TRAPPC9: variants seen among roughly 807,000 people sequenced by gnomAD.
The protein encoded by TRAPPC9 is IKK2 binding protein.
In TRAPPC9, 83 loss-of-function variants were observed where a neutral mutation model predicts 124.0. That is an observed-to-expected ratio of 0.67 (90% CI 0.56 to 0.80). The LOEUF (loss-of-function observed/expected upper bound fraction) is 0.80. Ranked by LOEUF, TRAPPC9 falls within the 30% of genes least tolerant of loss-of-function variation. The pLI, the probability that TRAPPC9 is intolerant of heterozygous loss-of-function variation, is 0.00. For synonymous variants in TRAPPC9, 638 were observed against 617.5 expected, an observed-to-expected ratio of 1.03 and a Z score of -0.49; for missense variants, 1,302 against 1,508.3, an observed-to-expected ratio of 0.86 and a Z score of 2.27.
chr8:140,432,829 G>A (rs543770675), intron 4 of TRAPPC9, among the ~76,000 whole-genome samples: 45 of 151,286 alleles, frequency 3.0e-4, no homozygotes, highest in Non-Finnish European at 5.0e-4. Context: ...CCGAGATCGC[G>A]CCACTGCACT....
chr8:139,972,011 G>T (rs1415876357), intron 19 of TRAPPC9, among the ~76,000 whole-genome samples: 3 of 152,018 alleles, frequency 2.0e-5, no homozygotes, highest in African/African-American at 7.2e-5. Context: ...TCTTAGTAGA[G>T]ATGGGGGTTT....
At chr8:139,977,045 T>C (rs1360705678) in intron 19 of TRAPPC9, among the ~76,000 whole-genome samples, 2 of 152,236 alleles carry the variant, frequency 1.3e-5, no homozygotes, top group African/African-American at 4.8e-5. Flanking sequence ...AAGACGATTC[T>C]GGCCTGAAAA....
chr8:139,790,192 T>G (rs1039358869), intron 21 of TRAPPC9, among the ~76,000 whole-genome samples: 3 of 152,238 alleles, frequency 2.0e-5, no homozygotes, highest in Non-Finnish European at 2.9e-5. Context: ...TTAATGCCTA[T>G]GATTAGGCCT....
At chr8:140,008,008 T>G (rs1482334844) in intron 18 of TRAPPC9, among the ~76,000 whole-genome samples, 1 of 151,928 alleles carries the variant, frequency 6.6e-6, no homozygotes, top group East Asian at 1.9e-4. Context: ...AGTTATGGAG[T>G]CGGTGTCAGT....
At chr8:139,901,356 T>C (rs1587145248) in intron 20 of TRAPPC9, among the ~76,000 whole-genome samples, 1 of 152,376 alleles carries the variant, frequency 6.6e-6, no homozygotes, top group East Asian at 1.9e-4. Flanking sequence ...AAATGATTAA[T>C]GAGCCTCTTT....
chr8:140,406,558 T>C (rs576806775), intron 5 of TRAPPC9, among the ~76,000 whole-genome samples: 1 of 152,358 alleles, frequency 6.6e-6, no homozygotes, highest in East Asian at 1.9e-4. Flanking sequence ...CCTTGTTTTC[T>C]AATCTTGGTC....
At chr8:140,231,215 C>T (rs1310092301) in intron 16 of TRAPPC9, among the ~76,000 whole-genome samples, 1 of 152,190 alleles carries the variant, frequency 6.6e-6, no homozygotes, top group African/African-American at 2.4e-5. Flanking sequence ...ACATGGGAAG[C>T]CCAGGACACG....
intron 10 of TRAPPC9, among the ~76,000 whole-genome samples, chr8:140,310,927 G>T (rs890014781): frequency 3.3e-5 from 5 of 151,976 alleles, no homozygotes; most frequent in Non-Finnish European, 5.9e-5. Flanking sequence ...AGGAGAAGAC[G>T]ATGTGATCAG....
intron 19 of TRAPPC9, among the ~76,000 whole-genome samples, chr8:139,960,864 T>C (rs889677511): frequency 8.0e-6 from 1 of 124,940 alleles, no homozygotes; most frequent in Non-Finnish European, 1.9e-5. Context: ...CACAATCTGT[T>C]CCCAGTGGTG....
rs1270488444 is a variant in TRAPPC9 at position 140,252,592 on chromosome 8, T to G, written c.2431+185A>C. ...TAAATCATTTAGATAAAAAGTACTTTTATTACTTTCAGACACATACAGTAA... is the reference window on the plus strand; with the variant it reads ...TAAATCATTTAGATAAAAAGTACTTGTATTACTTTCAGACACATACAGTAA... On this transcript the variant is annotated intron_variant, in intron 16 of 22. Transcript: ENST00000438773. The surrounding 1 kb of genome is among the most constrained non-coding windows in gnomAD (Gnocchi z 4.2). 1.6e-6 allele frequency: 1 copy of G among 614,502 alleles called. No individual in the cohort carries two copies. Among genetic ancestry groups the G allele is most frequent in the Non-Finnish European group, 2.8e-6 (1 of 352,986 alleles). 38.1% of individuals were successfully genotyped at this position (614,502 alleles called of 1,614,324 possible). A position where few individuals can be genotyped will look rare whatever the true frequency, so the allele number is the denominator to read the frequency against.
At chr8:139,818,822 C>T (rs1431411274) in intron 21 of TRAPPC9, among the ~76,000 whole-genome samples, 1 of 152,238 alleles carries the variant, frequency 6.6e-6, no homozygotes, top group East Asian at 1.9e-4. Context: ...AGCCCTTCCC[C>T]ATTCTATGAG....
At chr8:140,220,183 G>C (rs917492372) in intron 17 of TRAPPC9, among the ~76,000 whole-genome samples, 2 of 152,214 alleles carry the variant, frequency 1.3e-5, no homozygotes, top group Non-Finnish European at 2.9e-5. Context: ...CAGCGCCAGG[G>C]GAGGGTGGTG....
intron 18 of TRAPPC9, among the ~76,000 whole-genome samples, chr8:140,000,944 G>A (rs1376682009): frequency 1.3e-5 from 2 of 152,152 alleles, no homozygotes; most frequent in African/African-American, 4.8e-5. Flanking sequence ...TATGTTTACT[G>A]CAGCACTATT....
chr8:140,069,928 C>A (rs894486957), intron 17 of TRAPPC9, among the ~76,000 whole-genome samples: 2 of 152,184 alleles, frequency 1.3e-5, no homozygotes, highest in African/African-American at 2.4e-5. Flanking sequence ...TGTCCAAGTG[C>A]AGGAAGAGAA....
chr8:139,862,468 G>A (rs1828232436), intron 21 of TRAPPC9, among the ~76,000 whole-genome samples: 1 of 152,244 alleles, frequency 6.6e-6, no homozygotes. Context: ...GAGCTGCCTG[G>A]GAAAGGTCAG....
At chr8:139,925,458 G>A (rs879826883) in intron 19 of TRAPPC9, among the ~76,000 whole-genome samples, 6 of 152,082 alleles carry the variant, frequency 3.9e-5, no homozygotes, top group Non-Finnish European at 8.8e-5. Flanking sequence ...ACAGTACAAA[G>A]CTGTAAAGGC....
At chr8:140,408,235 C>T (rs73713124) in intron 5 of TRAPPC9, among the ~76,000 whole-genome samples, 3,877 of 152,018 alleles carry the variant, frequency 0.026, 186 homozygotes, top group African/African-American at 0.088. Flanking sequence ...GAGGCTAAGA[C>T]CCAGATGGGA....
At chr8:139,923,457 C>T (rs1832628585) in intron 19 of TRAPPC9, among the ~76,000 whole-genome samples, 5 of 151,456 alleles carry the variant, frequency 3.3e-5, no homozygotes, top group African/African-American at 9.7e-5. Flanking sequence ...GGTGTCCCCA[C>T]CCCGAACTCA....
At chr8:140,014,413 T>A (rs1839332370) in intron 18 of TRAPPC9, among the ~76,000 whole-genome samples, 1 of 152,184 alleles carries the variant, frequency 6.6e-6, no homozygotes, top group Admixed American at 6.5e-5. Context: ...GAGACCTATG[T>A]ACTCCCTGGT....
Sources: gnomAD v4.1 joint callset for allele counts (sites outside exome capture counted in the v4.1 genomes callset) on GRCh38, gnomAD v4.1.1 for gene constraint, Gnocchi (gnomAD v3.1) non-coding constraint, MANE v1.5 for transcripts, NCBI Gene and HGNC (gene_info 2026-07-23, HGNC 2026-07-21) for gene names.